Variants in ZNF654 observed in about 807,000 individuals in gnomAD.
ZNF654 encodes the protein melanoma-associated antigen.
In ZNF654, 19 loss-of-function variants were observed where a neutral mutation model predicts 95.3. That is an observed-to-expected ratio of 0.20 (90% CI 0.14 to 0.29). ZNF654 has a LOEUF of 0.29. ZNF654 is among the 10% of genes least tolerant of loss of function. The pLI is 1.00. For missense variants in ZNF654, 1,046 were observed against 1,341.0 expected, an observed-to-expected ratio of 0.78 and a Z score of 3.44; for synonymous variants, 413 against 457.9, an observed-to-expected ratio of 0.90 and a Z score of 1.25.
chr3:88,135,832 G>T (rs4257571), intron 7 of ZNF654, among the ~76,000 whole-genome samples: 119,083 of 152,002 alleles, frequency 0.78, 47,557 homozygotes, highest in South Asian at 0.91. Context: ...AGTATAAAGA[G>T]TAAAGCCACT....
At position 88,123,963 on chromosome 3, in the gene ZNF654, A is replaced by G. The variant is rs570350090; in HGVS notation, c.415-2171A>G. On this transcript the variant is annotated intron_variant, in intron 3 of 8. Transcript: ENST00000636215. The stretch of plus-strand genomic sequence containing the variant: ...GTTTTAACCCATGAAGCTGTTCCCA[A>G]GAATCATTACAGTGTTCCATGTATG... 2.3e-3 allele frequency among the ~76,000 whole-genome samples: 346 copies of G among 152,314 alleles called. 2 individuals carry two copies. The highest frequency in any genetic ancestry group is 0.01 in the Middle Eastern group (3 of 294).
intron 3 of ZNF654, among the ~76,000 whole-genome samples, chr3:88,124,581 AG>A (rs1336500378): frequency 4.6e-5 from 7 of 152,360 alleles, no homozygotes; most frequent in Admixed American, 4.6e-4. Context: ...GTTTAATAAA[AG>A]CAAAGTGTTT....
intron 3 of ZNF654, among the ~76,000 whole-genome samples, chr3:88,120,768 CTAAAA>C (rs1329107121): frequency 1.3e-5 from 2 of 151,138 alleles, no homozygotes; most frequent in Non-Finnish European, 2.9e-5. Flanking sequence ...AAGGATGAAA[CTAAAA>C]TAATGTTTTA....
At chr3:88,126,485 C>T (rs1024812356) in intron 4 of ZNF654, among the ~76,000 whole-genome samples, 1 of 151,138 alleles carries the variant, frequency 6.6e-6, no homozygotes, top group African/African-American at 2.4e-5. Flanking sequence ...TGGAAATTCT[C>T]AGTGGTAACA....
At chr3:88,126,579 CTTTTTTTTTTTTTTT>C (rs144091813) in intron 4 of ZNF654, among the ~76,000 whole-genome samples, 2 of 81,744 alleles carry the variant, frequency 2.4e-5, no homozygotes. Flanking sequence ...GTAGAAACAT[CTTTTTTTTTTTTTTT>C]TTTTTTTTTT....
intron 1 of ZNF654, among the ~76,000 whole-genome samples, chr3:88,071,785 C>G (rs1335862819): frequency 6.6e-6 from 1 of 152,040 alleles, no homozygotes; most frequent in Non-Finnish European, 1.5e-5. Flanking sequence ...GCCTGGGCGA[C>G]AAGAGTGAGA....
At position 88,126,148 on chromosome 3, in the gene ZNF654, C is replaced by T; in HGVS notation, c.429C>T (p.His143=). 11 of 1,515,518 alleles carry T rather than the reference C, an allele frequency of 7.3e-6. No homozygotes were observed. Among genetic ancestry groups the T allele is most frequent in the Non-Finnish European group, 9.7e-6 (11 of 1,134,960 alleles). 93.9% of individuals were successfully genotyped at this position (1,515,518 alleles called of 1,614,324 possible). A position where few individuals can be genotyped will look rare whatever the true frequency, so the allele number is the denominator to read the frequency against. ...ILGSFQECQN[H]LRRYGNVNLE... is the part of the protein sequence containing the mutation. ...TTCTCTCCTAGGAATGCCAGAATCA[C>T]CTCCGCAGATATGGAAATGTGAATC... The change falls in exon 4 of 9, where the codon CAC becomes CAT. Residue 143 remains histidine (H), a synonymous_variant. Transcript: ENST00000636215.
intron 4 of ZNF654, 119 bp from the exon 5 acceptor site, chr3:88,128,690 A>G (rs1706267914): frequency 1.5e-6 from 1 of 661,922 alleles, no homozygotes; most frequent in Non-Finnish European, 2.4e-6. Context: ...ACTAAGGAAA[A>G]TGCTATTTAA....
At chr3:88,096,472 T>A (rs559757963) in intron 2 of ZNF654, among the ~76,000 whole-genome samples, 1 of 152,232 alleles carries the variant, frequency 6.6e-6, no homozygotes, top group African/African-American at 2.4e-5. Flanking sequence ...GACTTCTGAC[T>A]TCTGCCATTG....
chr3:88,125,992 C>A, intron 3 of ZNF654, 142 bp from the exon 4 acceptor site: 1 of 828,774 alleles, frequency 1.2e-6, no homozygotes, highest in Non-Finnish European at 1.7e-6. Flanking sequence ...CGACACCCTA[C>A]TTAGGTTACA....
chr3:88,120,379 T>C (rs1226876597), intron 3 of ZNF654, among the ~76,000 whole-genome samples: 3 of 152,220 alleles, frequency 2.0e-5, no homozygotes, highest in East Asian at 3.8e-4. Context: ...TTGAGAGCTT[T>C]ATTGTCTAAG....
intron 2 of ZNF654, among the ~76,000 whole-genome samples, chr3:88,100,776 C>T (rs1198531917): frequency 6.6e-6 from 1 of 150,880 alleles, no homozygotes; most frequent in African/African-American, 2.4e-5. Flanking sequence ...CACTTGGACA[C>T]AGGAAGGGGA....
chr3:88,123,899 T>A (rs1705927418), intron 3 of ZNF654, among the ~76,000 whole-genome samples: 1 of 152,196 alleles, frequency 6.6e-6, no homozygotes. Flanking sequence ...TTTGGGAGCT[T>A]GCTACCTTGC....
chr3:88,102,817 CTTTTT>C (rs10701359), intron 2 of ZNF654, among the ~76,000 whole-genome samples: 5 of 106,548 alleles, frequency 4.7e-5, no homozygotes, highest in African/African-American at 1.4e-4. Context: ...CCTCTACTGT[CTTTTT>C]TTTTTTTTTT....
chr3:88,074,015 G>A (rs1707661609), intron 1 of ZNF654, among the ~76,000 whole-genome samples: 1 of 152,118 alleles, frequency 6.6e-6, no homozygotes, highest in Non-Finnish European at 1.5e-5. Flanking sequence ...TTCCTTTCCA[G>A]TTTTAATTTG....
intron 6 of ZNF654, among the ~76,000 whole-genome samples, chr3:88,134,730 G>C (rs961469064): frequency 6.6e-6 from 1 of 151,922 alleles, no homozygotes; most frequent in Non-Finnish European, 1.5e-5. Context: ...ATTAATTAAA[G>C]GCCAAAGTTT....
chr3:88,087,226 C>T (rs1360436776), intron 2 of ZNF654, among the ~76,000 whole-genome samples: 1 of 152,054 alleles, frequency 6.6e-6, no homozygotes, highest in Non-Finnish European at 1.5e-5. Flanking sequence ...CACAGGTGTG[C>T]ACCACCATGC....
chr3:88,107,638 C>G (rs770394612), intron 2 of ZNF654, among the ~76,000 whole-genome samples: 8 of 152,044 alleles, frequency 5.3e-5, no homozygotes, highest in Non-Finnish European at 8.8e-5. Context: ...CCTCTGTGTT[C>G]CTTAACTCTT....
intron 2 of ZNF654, among the ~76,000 whole-genome samples, chr3:88,106,346 G>GTT (rs1002845793): frequency 6.6e-6 from 1 of 151,738 alleles, no homozygotes; most frequent in Non-Finnish European, 1.5e-5. Context: ...TTATCTTTTT[G>GTT]TTTTTTTGGA....
Sources: allele counts gnomAD v4.1 joint callset (sites outside exome capture counted in the v4.1 genomes callset), GRCh38; gene constraint gnomAD v4.1.1; transcripts MANE v1.5; gene names NCBI Gene and HGNC (gene_info 2026-07-23, HGNC 2026-07-21).